TKT: variants seen among roughly 807,000 people sequenced by gnomAD.
TKT encodes the protein epididymis luminal protein 107.
In TKT, 47 loss-of-function variants were observed where a neutral mutation model predicts 63.9. The observed-to-expected ratio is 0.74, with a 90% CI of 0.58 to 0.94. The LOEUF (loss-of-function observed/expected upper bound fraction) is 0.94, where lower values mean the gene tolerates loss of function less well. Ranked by LOEUF, TKT falls within the 40% of genes least tolerant of loss-of-function variation. The pLI, the probability that TKT is intolerant of heterozygous loss-of-function variation, is 0.00. For missense variants in TKT, 721 were observed against 846.2 expected, an observed-to-expected ratio of 0.85 and a Z score of 1.84; for synonymous variants, 338 against 334.1, an observed-to-expected ratio of 1.01 and a Z score of -0.13.
At chr3:53,240,956 G>T (rs1162413566) in intron 3 of TKT, among the ~76,000 whole-genome samples, 176 bp downstream of exon 3, 2 of 152,198 alleles carry the variant, frequency 1.3e-5, no homozygotes, top group African/African-American at 4.8e-5. Context: ...TTTGGCACCA[G>T]CTTGGGTTGA....
At position 53,242,140 on chromosome 3, in the gene TKT, G is replaced by A. The variant is rs1553680019; in HGVS notation, c.210C>T (p.Arg70=). Residue 70 remains arginine (R), a synonymous_variant, in exon 2 of 14, where the codon CGC becomes CGT. Coordinates refer to ENST00000462138, the MANE Select transcript of TKT (RefSeq NM_001064.4). The stretch of plus-strand genomic sequence containing the variant: ...GGGCTCTTACCTTGGAGAGCACAAA[G>A]CGGTCATTGTGCGGATTCCGGGGGT... ...SQDPRNPHND[R]FVLSKGHAAP... 2 of 1,614,148 alleles carry A rather than the reference G, an allele frequency of 1.2e-6. No homozygotes were observed. Among genetic ancestry groups the A allele is most frequent in the South Asian group, 1.1e-5 (1 of 91,086 alleles).
intron 4 of TKT, chr3:53,235,396 G>C: frequency 2.2e-6 from 1 of 460,674 alleles, no homozygotes; most frequent in South Asian, 4.3e-5. Flanking sequence ...AAGACGTCAG[G>C]AGCTCAGGAA....
At chr3:53,245,811 T>C (rs1024237478) in intron 1 of TKT, among the ~76,000 whole-genome samples, 16 of 151,964 alleles carry the variant, frequency 1.1e-4, no homozygotes, top group African/African-American at 2.9e-4. Flanking sequence ...ATGAAAATAA[T>C]TTACCAAAAC....
At chr3:53,233,074 C>G (rs1317142526) in intron 6 of TKT, 82 bp downstream of exon 6, 10 of 1,225,964 alleles carry the variant, frequency 8.2e-6, no homozygotes, top group Non-Finnish European at 1.1e-5. Flanking sequence ...GGGCTGTTTC[C>G]CTGGATGTGC....
chr3:53,243,822 C>A (rs1705390876), intron 1 of TKT, among the ~76,000 whole-genome samples: 1 of 152,176 alleles, frequency 6.6e-6, no homozygotes, highest in South Asian at 2.1e-4. Flanking sequence ...CTGAGGGGTC[C>A]TGTTTCTAAA....
rs530007993 is a variant in TKT, at chr3:53,230,606, C to A, written c.958G>T (p.Ala320Ser). ...AGCTTGGCCAGTGCCTGCCCGTAGG[C>A]CTTGCGGGTGGCTATCTGTGAGGAA... The part of the protein sequence containing the change: ...KVGDKIATRK[A>S]YGQALAKLGH... The change falls in exon 8 of 14, where the codon GCC becomes TCC. Residue 320 changes from alanine (A) to serine (S), a missense_variant. Transcript: ENST00000462138. 1.9e-6 allele frequency: 3 copies of A among 1,614,200 alleles called. No homozygotes were observed. The African/African-American group carries it at 4.0e-5, about 22-fold the overall frequency.
rs781806925 is a variant in TKT, at chr3:53,242,160, G to C, written c.190C>G (p.Arg64Gly). ...ACAAAGCGGTCATTGTGCGGATTCC[G>C]GGGGTCCTGGGACTTGTAGCGCATG... ...HTMRYKSQDP[R>G]NPHNDRFVLS... is the part of the protein sequence containing the mutation. Residue 64 changes from arginine to glycine, a missense_variant, in exon 2 of 14, where the codon CGG becomes GGG. Transcript: ENST00000462138. 3.7e-6 allele frequency: 6 copies of C among 1,613,990 alleles called. No individual in the cohort carries two copies. The highest frequency in any genetic ancestry group is 3.3e-4 in the Middle Eastern group (2 of 6,060).
intron 1 of TKT, among the ~76,000 whole-genome samples, chr3:53,254,985 T>C (rs1553682060): frequency 6.6e-6 from 1 of 152,198 alleles, no homozygotes; most frequent in Non-Finnish European, 1.5e-5. Flanking sequence ...CCCCAGGACG[T>C]CACTCCCGGC....
Position 53,255,962 on chromosome 3 carries a change from G to C in TKT, c.-20C>G, listed in dbSNP as rs1265249863. ...CTCCATGGTGCGGCAGGCGGGGACCGGGCGCACACGCGGACACACAGAGAT... is the reference window on the plus strand; with the variant it reads ...CTCCATGGTGCGGCAGGCGGGGACCCGGCGCACACGCGGACACACAGAGAT... On this transcript the variant is annotated 5_prime_UTR_variant, in exon 1 of 14. Transcript: ENST00000462138. 9 of 1,485,266 alleles carry C rather than the reference G, an allele frequency of 6.1e-6. No homozygotes were observed. Among genetic ancestry groups the C allele is most frequent in the Non-Finnish European group, 7.2e-6 (8 of 1,106,340 alleles). 92.0% of individuals were successfully genotyped at this position (1,485,266 alleles called of 1,614,324 possible). A position where few individuals can be genotyped will look rare whatever the true frequency, so the allele number is the denominator to read the frequency against.
chr3:53,234,364 G>C (rs1474599179), intron 5 of TKT: 1 of 152,520 alleles, frequency 6.6e-6, no homozygotes, highest in Non-Finnish European at 1.5e-5. Flanking sequence ...CCCCTCCACA[G>C]CCTCCTCAGC....
intron 4 of TKT, chr3:53,235,523 T>G: frequency 5.7e-6 from 1 of 175,034 alleles, no homozygotes. Context: ...GTGAATAGGC[T>G]TGAGCCACCT....
intron 8 of TKT, 137 bp downstream of exon 8, chr3:53,230,319 TG>T: frequency 8.8e-7 from 1 of 1,137,236 alleles, no homozygotes; most frequent in Non-Finnish European, 1.3e-6. Context: ...GGGTTAACGC[TG>T]GGTCCTGGCT....
chr3:53,231,249 A>G, intron 7 of TKT, 108 bp downstream of exon 7: 1 of 1,280,264 alleles, frequency 7.8e-7, no homozygotes, highest in Admixed American at 2.2e-5. Flanking sequence ...TCCTCGCCCT[A>G]AATGAATCGC....
At chr3:53,230,731 C>A in intron 7 of TKT, 110 bp from the exon 8 acceptor site, 1 of 1,327,434 alleles carries the variant, frequency 7.5e-7, no homozygotes, top group Admixed American at 2.3e-5. Context: ...AAAATGGAAG[C>A]CCTGGAGCAC....
chr3:53,226,701 G>A (rs1704511353), intron 13 of TKT, 55 bp downstream of exon 13: 1 of 1,612,106 alleles, frequency 6.2e-7, no homozygotes. Context: ...CACGTCCAAC[G>A]CTCGGCTCTC....
chr3:53,231,315 C>A lies in TKT; in HGVS notation c.942+42G>T, dbSNP rs76190424. ...GTATCTGGGCCACAGACTTGGGAAA[C>A]CTGAGAACTATGGGTTCAGAGAAAC... is the stretch of plus-strand genomic sequence containing the variant. On this transcript the variant is annotated intron_variant, in intron 7 of 13. Transcript: ENST00000462138. 243 of 1,603,010 alleles carry A rather than the reference C, an allele frequency of 1.5e-4. 1 individual carries two copies. The East Asian group carries it at 5.0e-3, about 33-fold the overall frequency.
Position 53,255,996 on chromosome 3 carries a change from C to T in TKT, c.-54G>A, listed in dbSNP as rs1575578862. ...CGCGGACACACAGAGATAGCGGCTG[C>T]TCCCGCGGCGACAGGCGGCTGCCGA... is the stretch of plus-strand genomic sequence containing the variant. On this transcript the variant is annotated 5_prime_UTR_variant, in exon 1 of 14. Coordinates refer to ENST00000462138, the MANE Select transcript of TKT (RefSeq NM_001064.4). The T allele has an allele frequency of 7.7e-7, 1 of 1,296,618 alleles. No homozygotes were observed. Among genetic ancestry groups the T allele is most frequent in the Non-Finnish European group, 1.0e-6 (1 of 976,474 alleles). The allele number at this position is 1,296,618 out of a possible 1,614,324, so 80.3% of individuals were successfully genotyped here.
chr3:53,234,892 G>A lies in TKT; in HGVS notation c.629+91C>T, dbSNP rs1002494176. The A allele has an allele frequency of 8.8e-6, 12 of 1,360,132 alleles. No individual in the cohort carries two copies. In the East Asian group the frequency reaches 2.9e-4, roughly 32 times the overall value. 84.3% of individuals were successfully genotyped at this position (1,360,132 alleles called of 1,614,324 possible). ...CCTTTAGATGGTGCTTAAGGTCCCA[G>A]CTTCAGCTCCTGCACCTGCACCTGC... On this transcript the variant is annotated intron_variant, in intron 5 of 13. Transcript: ENST00000462138.
At chr3:53,253,005 A>G (rs576841925) in intron 1 of TKT, among the ~76,000 whole-genome samples, 3 of 151,954 alleles carry the variant, frequency 2.0e-5, no homozygotes, top group Non-Finnish European at 4.4e-5. Flanking sequence ...ACGTCCAGCT[A>G]ATTTTTTGTA....
Sources: gnomAD v4.1 joint callset for allele counts (sites outside exome capture counted in the v4.1 genomes callset) on GRCh38, gnomAD v4.1.1 for gene constraint, MANE v1.5 for transcripts, NCBI Gene and HGNC (gene_info 2026-07-23, HGNC 2026-07-21) for gene names.